The following SHISA6 variants were observed in gnomAD, a reference collection of about 807,000 sequenced individuals.
SHISA6 encodes protein shisa-6.
In SHISA6, 22 loss-of-function variants were observed where a neutral mutation model predicts 47.9. The observed-to-expected ratio is 0.46, with a 90% CI of 0.33 to 0.66. SHISA6 has a LOEUF of 0.66. Ranked by LOEUF, SHISA6 falls within the 30% of genes least tolerant of loss-of-function variation. The pLI, the probability that SHISA6 is intolerant of heterozygous loss-of-function variation, is 0.02. For missense variants in SHISA6, 680 were observed against 764.6 expected (o/e 0.89, Z 1.30); for synonymous variants, 388 against 337.8 (o/e 1.15, Z -1.63).
chr17:11,308,121 G>T (rs62063463), intron 2 of SHISA6, among the ~76,000 whole-genome samples: 45,297 of 151,994 alleles, frequency 0.3, 7,433 homozygotes, highest in Non-Finnish European at 0.38. Context: ...GCAGGGTTAG[G>T]GGGCCTTTAG....
chr17:11,262,101 G>A (rs182441676), intron 1 of SHISA6, among the ~76,000 whole-genome samples: 3 of 152,304 alleles, frequency 2.0e-5, no homozygotes, highest in East Asian at 3.9e-4. Context: ...TTTTTATATG[G>A]TGTGAGGTAA....
chr17:11,277,655 G>C (rs1218132678), intron 2 of SHISA6, among the ~76,000 whole-genome samples: 1 of 152,150 alleles, frequency 6.6e-6, no homozygotes, highest in Non-Finnish European at 1.5e-5. Flanking sequence ...TGCTACAGAA[G>C]AGAAGTTTCT....
At chr17:11,244,707 C>T (rs1907507227) in intron 1 of SHISA6, among the ~76,000 whole-genome samples, 1 of 152,166 alleles carries the variant, frequency 6.6e-6, no homozygotes, top group South Asian at 2.1e-4. Flanking sequence ...AAAGAATGTA[C>T]ACTCTCGAGA....
At chr17:11,530,874 A>T (rs1257115442) in intron 3 of SHISA6, among the ~76,000 whole-genome samples, 2 of 152,144 alleles carry the variant, frequency 1.3e-5, no homozygotes, top group Admixed American at 6.5e-5. Flanking sequence ...CACGCTAACA[A>T]GCTAACTTTC....
chr17:11,512,895 A>G (rs1044753243), intron 3 of SHISA6, among the ~76,000 whole-genome samples: 5 of 152,024 alleles, frequency 3.3e-5, no homozygotes, highest in South Asian at 2.1e-4. Context: ...CTCATCTACT[A>G]TTGTTGAACA....
intron 3 of SHISA6, among the ~76,000 whole-genome samples, chr17:11,499,594 A>G (rs78114504): frequency 1.3e-5 from 2 of 152,142 alleles, no homozygotes; most frequent in Non-Finnish European, 2.9e-5. Flanking sequence ...ACTCATTCAG[A>G]ACTTTAATAG....
chr17:11,281,194 T>C (rs1189316179), intron 2 of SHISA6, among the ~76,000 whole-genome samples: 3 of 152,308 alleles, frequency 2.0e-5, no homozygotes, highest in South Asian at 4.1e-4. Context: ...ATGTATATAA[T>C]ATATCATGTA....
At chr17:11,393,991 C>T (rs1277372350) in intron 3 of SHISA6, among the ~76,000 whole-genome samples, 4 of 152,226 alleles carry the variant, frequency 2.6e-5, no homozygotes, top group South Asian at 2.1e-4. Context: ...AGTAAGTCTT[C>T]CTTGGCCCTT....
At chr17:11,312,893 A>C (rs1910384920) in intron 2 of SHISA6, among the ~76,000 whole-genome samples, 1 of 152,204 alleles carries the variant, frequency 6.6e-6, no homozygotes, top group South Asian at 2.1e-4. Context: ...GCTAGATCAA[A>C]ATTACTCCCA....
chr17:11,310,897 A>G (rs907774622), intron 2 of SHISA6, among the ~76,000 whole-genome samples: 2 of 152,034 alleles, frequency 1.3e-5, no homozygotes, highest in African/African-American at 2.4e-5. Flanking sequence ...TCACAAGGTC[A>G]GGAGATCGAG....
intron 1 of SHISA6, among the ~76,000 whole-genome samples, chr17:11,259,100 T>G (rs1385916503): frequency 1.3e-5 from 2 of 151,854 alleles, no homozygotes; most frequent in South Asian, 4.2e-4. Flanking sequence ...ATGGATATAA[T>G]TTTGGATAGA....
chr17:11,448,968 T>G (rs191401481), intron 3 of SHISA6, among the ~76,000 whole-genome samples: 5 of 152,370 alleles, frequency 3.3e-5, no homozygotes, highest in African/African-American at 1.2e-4. Context: ...AGTAAAAGTT[T>G]TATATTTATA....
chr17:11,320,645 C>T (rs1196956031), intron 2 of SHISA6, among the ~76,000 whole-genome samples: 4 of 114,346 alleles, frequency 3.5e-5, no homozygotes, highest in Non-Finnish European at 7.4e-5. Context: ...GCAACAAGAG[C>T]GAAACTCCAT....
intron 3 of SHISA6, among the ~76,000 whole-genome samples, chr17:11,481,336 A>ATG (rs3038693): frequency 0.024 from 3,351 of 141,400 alleles, 56 homozygotes; most frequent in Middle Eastern, 0.049. Context: ...AAAAATATAT[A>ATG]TGTGTGTGTG....
At chr17:11,454,938 G>C (rs941850965) in intron 3 of SHISA6, among the ~76,000 whole-genome samples, 9 of 152,100 alleles carry the variant, frequency 5.9e-5, no homozygotes, top group African/African-American at 2.2e-4. Flanking sequence ...GGGAGGCCAA[G>C]GTGGGTGGAT....
At chr17:11,538,428 T>C (rs1383786655) in intron 3 of SHISA6, among the ~76,000 whole-genome samples, 1 of 152,154 alleles carries the variant, frequency 6.6e-6, no homozygotes, top group African/African-American at 2.4e-5. Flanking sequence ...ACAATCAAAG[T>C]GGAAGATGTT....
chr17:11,325,681 A>G (rs1300598836), intron 2 of SHISA6, among the ~76,000 whole-genome samples: 1 of 145,576 alleles, frequency 6.9e-6, no homozygotes, highest in Non-Finnish European at 1.5e-5. Flanking sequence ...TAATTGCAGG[A>G]AAGTGTGCCA....
intron 3 of SHISA6, among the ~76,000 whole-genome samples, chr17:11,515,052 A>G (rs1260363113): frequency 6.6e-6 from 1 of 152,124 alleles, no homozygotes; most frequent in African/African-American, 2.4e-5. Context: ...TAGAGACCAC[A>G]GTGGGTGATG....
intron 3 of SHISA6, among the ~76,000 whole-genome samples, chr17:11,548,470 A>G (rs1270428441): frequency 1.3e-5 from 2 of 148,558 alleles, no homozygotes; most frequent in African/African-American, 4.9e-5. Context: ...CATATATCAC[A>G]AGAAAATAGA....
Sources: gnomAD v4.1 joint callset for allele counts (sites outside exome capture counted in the v4.1 genomes callset) on GRCh38, gnomAD v4.1.1 for gene constraint, MANE v1.5 for transcripts, NCBI Gene and HGNC (gene_info 2026-07-23, HGNC 2026-07-21) for gene names.